The following NCOA1 variants were observed in gnomAD, a reference collection of about 807,000 sequenced individuals.
NCOA1 encodes nuclear receptor coactivator 1.
In NCOA1, 35 loss-of-function variants were observed where a neutral mutation model predicts 150.9. That is an observed-to-expected ratio of 0.23 (90% CI 0.18 to 0.31). NCOA1 has a LOEUF of 0.31. Ranked by LOEUF, NCOA1 falls within the 10% of genes least tolerant of loss-of-function variation. The pLI, the probability that NCOA1 is intolerant of heterozygous loss-of-function variation, is 1.00. For missense variants in NCOA1, 1,491 were observed against 1,749.3 expected, an observed-to-expected ratio of 0.85 and a Z score of 2.63; for synonymous variants, 590 against 630.0, an observed-to-expected ratio of 0.94 and a Z score of 0.95.
chr2:24,769,045 C>CA lies in NCOA1; in HGVS notation c.*660dup. 1 of 213,454 alleles carries CA rather than the reference C, an allele frequency of 4.7e-6. No individual in the cohort carries two copies. The highest frequency in any genetic ancestry group is 9.5e-6 in the Non-Finnish European group (1 of 105,360). The allele number at this position is 213,454 out of a possible 1,614,324, so 13.2% of individuals were successfully genotyped here. A position where few individuals can be genotyped will look rare whatever the true frequency, so the allele number is the denominator to read the frequency against. ...AAATGAGTATATTCACAGAGGAATC[C>CA]AAAAAATACAGTTTGGGGGAAAATG... On this transcript the variant is annotated 3_prime_UTR_variant, in exon 23 of 23. Transcript: ENST00000348332.
At chr2:24,576,188 T>TTTTTTTTTTTTTTTTTTTTTTTG (rs1558806701) in intron 2 of NCOA1, among the ~76,000 whole-genome samples, 1 of 97,360 alleles carries the variant, frequency 1.0e-5, no homozygotes, top group African/African-American at 3.3e-5. Flanking sequence ...TTTTTTTTTT[T>TTTTTTTTTTTTTTTTTTTTTTTG]TTTGTTTGCT....
chr2:24,492,158 T>G (rs1000449483), intron 1 of NCOA1: 3 of 152,178 alleles, frequency 2.0e-5, no homozygotes, highest in Admixed American at 2.0e-4. Flanking sequence ...GCGCGCTTGC[T>G]CGCCCCTTCT....
At chr2:24,724,314 A>C (rs911831307) in intron 14 of NCOA1, among the ~76,000 whole-genome samples, 3 of 152,152 alleles carry the variant, frequency 2.0e-5, no homozygotes, top group Non-Finnish European at 4.4e-5. Flanking sequence ...TGTTTGTGTC[A>C]CAGAAATGAC....
At chr2:24,590,555 T>C (rs1667613868) in intron 3 of NCOA1, among the ~76,000 whole-genome samples, 1 of 152,228 alleles carries the variant, frequency 6.6e-6, no homozygotes, top group Non-Finnish European at 1.5e-5. Flanking sequence ...TTAATAAATA[T>C]GTCTCACATT....
chr2:24,682,619 C>G (rs1672228246), intron 7 of NCOA1, among the ~76,000 whole-genome samples: 1 of 152,138 alleles, frequency 6.6e-6, no homozygotes, highest in Admixed American at 6.5e-5. Context: ...TCTCCACTTC[C>G]TGGAATGTTC....
chr2:24,729,684 C>G lies in NCOA1; in HGVS notation c.3070C>G (p.Gln1024Glu), dbSNP rs1241625220. The G allele has an allele frequency of 2.5e-6, 4 of 1,614,184 alleles. No individual in the cohort carries two copies. The highest frequency in any genetic ancestry group is 1.1e-5 in the South Asian group (1 of 91,080). The change falls in exon 17 of 23, where the codon CAA becomes GAA. Residue 1024 changes from glutamine to glutamate, a missense_variant. Transcript: ENST00000348332. ...ACCTTCACTGGGGACGATGCCTGTT[C>G]AAGTAACACCTCCCCGAGGTGCTTT... ...QKPSLGTMPVQVTPPRGAFSP... is the reference protein window; with the variant it reads ...QKPSLGTMPVEVTPPRGAFSP...
rs372628856 is a variant in NCOA1 at position 24,752,081 on chromosome 2, A to G, written c.3806A>G (p.Gln1269Arg). 6.8e-6 allele frequency: 11 copies of G among 1,614,090 alleles called. No homozygotes were observed. In the Admixed American group the frequency reaches 8.3e-5, roughly 12 times the overall value. The change falls in exon 20 of 23, where the codon CAG (glutamine) becomes CGG (arginine). Residue 1269 changes from glutamine (Q) to arginine (R), a missense_variant. Gln to Arg is a conservative substitution (Grantham distance 43). Coordinates refer to ENST00000348332, the MANE Select transcript of NCOA1 (RefSeq NM_003743.5). The stretch of plus-strand genomic sequence containing the variant: ...CCTCCTCCTCAGAGTTCTCTTCTCC[A>G]GCAAACTCCACCTGCCTCCGGGTAT... Reference protein sequence around the residue: ...PIPPPQSSLLQQTPPASGYQS... With the variant: ...PIPPPQSSLLRQTPPASGYQS...
chr2:24,579,897 C>CTG (rs1304740799), intron 2 of NCOA1, among the ~76,000 whole-genome samples: 1 of 152,198 alleles, frequency 6.6e-6, no homozygotes, highest in Non-Finnish European at 1.5e-5. Context: ...TAAAGAAACT[C>CTG]TTCAGTTGAA....
In NCOA1 at chr2:24,725,714, C is replaced by CGTGT. The variant is rs57720230; in HGVS notation, c.2600-841_2600-838dup. On this transcript the variant is annotated intron_variant, in intron 14 of 22. Coordinates refer to ENST00000348332, the MANE Select transcript of NCOA1 (RefSeq NM_003743.5). The stretch of plus-strand genomic sequence containing the variant: ...CTACCTAAAGTGGACCTAAAGTGTG[C>CGTGT]GTGTGTGTGTGTGTGTGTGTGTGTG... Among the ~76,000 whole-genome samples, 740 of 148,976 alleles carry CGTGT rather than the reference C, an allele frequency of 5.0e-3. 12 individuals carry two copies. The highest frequency in any genetic ancestry group is 0.016 in the African/African-American group (642 of 39,800).
chr2:24,705,725 T>C (rs932327513), intron 12 of NCOA1, among the ~76,000 whole-genome samples: 5 of 152,192 alleles, frequency 3.3e-5, no homozygotes, highest in Non-Finnish European at 5.9e-5. Flanking sequence ...CACTGATATA[T>C]GGTAAATTCA....
intron 3 of NCOA1, among the ~76,000 whole-genome samples, chr2:24,610,426 C>T (rs1368304748): frequency 6.6e-6 from 1 of 151,950 alleles, no homozygotes; most frequent in Non-Finnish European, 1.5e-5. Flanking sequence ...TAGGTGTGAG[C>T]CACAGCGCCC....
chr2:24,505,269 C>G (rs1437185181), intron 1 of NCOA1, among the ~76,000 whole-genome samples: 2 of 151,938 alleles, frequency 1.3e-5, no homozygotes, highest in African/African-American at 4.8e-5. Flanking sequence ...TCACCGCAAC[C>G]TCCGCCTCCT....
In NCOA1 at chr2:24,584,509, A is replaced by G. The variant is rs979398236; in HGVS notation, c.-226A>G. On this transcript the variant is annotated 5_prime_UTR_variant, in exon 3 of 23. An upstream open reading frame in the 5' UTR loses its in-frame stop. Transcript: ENST00000348332. ...TACAGCTATATCAGAGAATGAGTTA[A>G]TCTCCTCAGAAATCACTAAATACTA... The G allele has an allele frequency of 6.6e-6, 1 of 152,210 alleles. No homozygotes were observed. The highest frequency in any genetic ancestry group is 2.4e-5 in the African/African-American group (1 of 41,442). The allele number at this position is 152,210 out of a possible 1,614,324, so 9.4% of individuals were successfully genotyped here.
chr2:24,505,731 A>G (rs1441148505), intron 1 of NCOA1, among the ~76,000 whole-genome samples: 1 of 152,138 alleles, frequency 6.6e-6, no homozygotes. Flanking sequence ...TTGGTCTGTC[A>G]TAACACTTCA....
At chr2:24,752,360 G>C (rs550929559) in intron 20 of NCOA1, among the ~76,000 whole-genome samples, 5 of 152,204 alleles carry the variant, frequency 3.3e-5, no homozygotes, top group Non-Finnish European at 7.3e-5. Context: ...CATAAGAACA[G>C]CCATGCTTTC....
chr2:24,566,838 G>A (rs1444487786), intron 2 of NCOA1, among the ~76,000 whole-genome samples: 1 of 152,256 alleles, frequency 6.6e-6, no homozygotes, highest in African/African-American at 2.4e-5. Context: ...CGAGATTGGA[G>A]CAGGCGCTGG....
chr2:24,497,257 CT>C (rs201389599), intron 1 of NCOA1, among the ~76,000 whole-genome samples: 54 of 147,158 alleles, frequency 3.7e-4, no homozygotes, highest in South Asian at 6.5e-4. Context: ...CCACATTATA[CT>C]TTTTTTTTTT....
At position 24,491,440 on chromosome 2, in the gene NCOA1, G is replaced by C. The variant is rs1380008347; in HGVS notation, c.-558G>C. Among the ~76,000 whole-genome samples the C allele has an allele frequency of 1.6e-4, 9 of 57,076 alleles. No homozygotes were observed. The highest frequency in any genetic ancestry group is 4.5e-4 in the Non-Finnish European group (9 of 20,110). The allele number at this position is 57,076 out of a possible 152,430, so 37.4% of individuals were successfully genotyped here. On this transcript the variant is annotated 5_prime_UTR_variant, in exon 1 of 23. Transcript: ENST00000348332. ...GCTCCCTCGAGCGGAGCCTGCGTCA[G>C]GTTCCCTCTGCATCCCCCTGCGGGG...
At position 24,498,698 on chromosome 2, in the gene NCOA1, G is replaced by A. The variant is rs115618793; in HGVS notation, c.-396+7096G>A. Among the ~76,000 whole-genome samples the A allele has an allele frequency of 8.0e-3, 1,222 of 152,242 alleles. 16 individuals are homozygous for A. The highest frequency in any genetic ancestry group is 0.028 in the African/African-American group (1,166 of 41,554). ...CTGAAGTGGGAGAGGGAAGCATATC[G>A]TCTAGGTGTAGTAAGAAAACATTGG... On this transcript the variant is annotated intron_variant, in intron 1 of 22. Transcript: ENST00000348332.
Sources: gnomAD v4.1 joint callset for allele counts (sites outside exome capture counted in the v4.1 genomes callset) on GRCh38, gnomAD v4.1.1 for gene constraint, MANE v1.5 for transcripts, NCBI Gene and HGNC (gene_info 2026-07-23, HGNC 2026-07-21) for gene names.